Variants in ADGRD2 observed in about 807,000 individuals in gnomAD.
ADGRD2 encodes adhesion G protein-coupled receptor D2.
Under a neutral mutation model 44.4 loss-of-function variants are expected in ADGRD2, and 71 were observed. The observed-to-expected ratio is 1.60, with a 90% confidence interval of 1.32 to 1.95. The LOEUF (loss-of-function observed/expected upper bound fraction) is 1.95, where lower values mean the gene tolerates loss of function less well. Ranked by LOEUF, ADGRD2 falls within the 30% of genes most tolerant of loss-of-function variation. ADGRD2 has a pLI of 0.00. For synonymous variants in ADGRD2, 481 were observed against 224.8 expected (o/e 2.14, Z -10.19); for missense variants, 1,039 against 512.4 (o/e 2.03, Z -9.92).
chr9:124,452,385 C>T, intron 1 of ADGRD2, 125 bp from the exon 5 acceptor site: 3 of 681,646 alleles, frequency 4.4e-6, no homozygotes, highest in Non-Finnish European at 8.2e-6. Context: ...AGGCCATAGA[C>T]ATGGGCGGGT....
chr9:124,462,181 C>T (rs1336772696), intron 10 of ADGRD2, among the ~76,000 whole-genome samples: 1 of 152,096 alleles, frequency 6.6e-6, no homozygotes, highest in African/African-American at 2.4e-5. Flanking sequence ...CCACCTCAGC[C>T]CCAGCCCCTC....
rs1831984402 is a variant in ADGRD2, at chr9:124,473,141, GTCCC to G, written c.2759-2302_2759-2299del. 3.3e-5 allele frequency among the ~76,000 whole-genome samples: 5 copies of G among 152,280 alleles called. No homozygotes were observed. The South Asian group carries it at 8.3e-4, about 25-fold the overall frequency. On this transcript the variant is annotated intron_variant, in intron 17 of 21. Coordinates refer to ENST00000334810, the Ensembl canonical transcript of ADGRD2. ...CCCCTCACACTCCACCTCCATCCCT[GTCCC>G]TCTCTCACTCTCCGTCAGTCTTGGG...
chr9:124,461,077 CTTA>C lies in ADGRD2; in HGVS notation c.1870+2360_1870+2362del, dbSNP rs1377056295. Reference sequence around the variant, plus strand: ...ATGACTCTGGGCATCTCTTTATACACTTATTAAGCAGTCATATATCTTCCTTTC... The same window carrying C: ...ATGACTCTGGGCATCTCTTTATACACTTAAGCAGTCATATATCTTCCTTTC... On this transcript the variant is annotated intron_variant, in intron 10 of 21. Transcript: ENST00000334810. Among the ~76,000 whole-genome samples the C allele has an allele frequency of 2.6e-5, 4 of 152,326 alleles. No homozygotes were observed. In the East Asian group the frequency reaches 5.8e-4, roughly 22 times the overall value.
chr9:124,453,098 G>A (rs1375224918), exon 3 of ADGRD2: 1 of 696,826 alleles, frequency 1.4e-6, no homozygotes, highest in East Asian at 2.7e-5. Context: ...GCGCGGCTGC[G>A]GAGCCCTCTG....
At position 124,454,528 on chromosome 9, in the gene ADGRD2, G is replaced by C. The variant is rs1404348467; in HGVS notation, c.1069G>C (p.Asp357His). 4.2e-6 allele frequency: 3 copies of C among 717,246 alleles called. No individual in the cohort carries two copies. Among genetic ancestry groups the C allele is most frequent in the East Asian group, 2.7e-5 (1 of 37,260 alleles). 44.4% of individuals were successfully genotyped at this position (717,246 alleles called of 1,614,324 possible). The change falls in exon 5 of 22, where the codon GAT becomes CAT. Residue 357 changes from aspartate (D) to histidine (H), a missense_variant. Physicochemically the swap from Asp to His is moderately conservative, Grantham distance 81. Coordinates refer to ENST00000334810, the Ensembl canonical transcript of ADGRD2. The surrounding 1 kb of genome is among the most constrained non-coding windows in gnomAD (Gnocchi z 4.5). ...GGATGCCCAGTCGTGGCCTGGCCAG[G>C]ATGTTATCAGCCGAGTCAATGCCTT... is the stretch of plus-strand genomic sequence containing the variant.
At chr9:124,452,890 G>A in intron 2 of ADGRD2, 145 bp from the exon 6 acceptor site, 1 of 604,322 alleles carries the variant, frequency 1.7e-6, no homozygotes, top group Admixed American at 2.9e-5. Flanking sequence ...CTCTTGGGCA[G>A]GGGAACTCTA....
At chr9:124,453,257 C>T (rs1831536491) in exon 3 of ADGRD2, 1 of 542,888 alleles carries the variant, frequency 1.8e-6, no homozygotes, top group Non-Finnish European at 3.2e-6. Context: ...GTCGTGCGCG[C>T]TGCGCTGGTG....
In ADGRD2 at chr9:124,467,718, C is replaced by T. The variant is rs1020460022; in HGVS notation, c.2027-3C>T. 1.4e-5 allele frequency: 10 copies of T among 718,304 alleles called. No individual in the cohort carries two copies. The highest frequency in any genetic ancestry group is 2.3e-4 in the Middle Eastern group (1 of 4,348). 44.5% of individuals were successfully genotyped at this position (718,304 alleles called of 1,614,324 possible). The stretch of plus-strand genomic sequence containing the variant: ...AGGGGGGTTTCTCTGTCCCTCCACA[C>T]AGAGAGGCCCTGAGGAGGAGTCGCT... On this transcript the variant is annotated splice_polypyrimidine_tract_variant and splice_region_variant and intron_variant, in intron 11 of 21. Transcript: ENST00000334810.
exon 3 of ADGRD2, chr9:124,453,250 G>T: frequency 3.6e-6 from 2 of 553,762 alleles, no homozygotes; most frequent in Non-Finnish European, 6.3e-6. Flanking sequence ...GGGGGGCGTC[G>T]TGCGCGCTGC....
In ADGRD2 at chr9:124,469,219, C is replaced by G. The variant is rs1484900174; in HGVS notation, c.2388-3C>G. 1 of 712,286 alleles carries G rather than the reference C, an allele frequency of 1.4e-6. No homozygotes were observed. The highest frequency in any genetic ancestry group is 2.6e-6 in the Non-Finnish European group (1 of 384,468). The allele number at this position is 712,286 out of a possible 1,614,324, so 44.1% of individuals were successfully genotyped here. On this transcript the variant is annotated splice_polypyrimidine_tract_variant and splice_region_variant and intron_variant, in intron 14 of 21. Transcript: ENST00000334810. Reference sequence around the variant, plus strand: ...CCTTGAGGCCCCCTTCTCCCTCTCCCAGGCGTGCCTGTGGGCATCGTGGCG... The same window carrying G: ...CCTTGAGGCCCCCTTCTCCCTCTCCGAGGCGTGCCTGTGGGCATCGTGGCG...
chr9:124,475,399 T>C, intron 17 of ADGRD2, 47 bp from the exon 21 acceptor site: 2 of 696,088 alleles, frequency 2.9e-6, no homozygotes, highest in Non-Finnish European at 5.3e-6. Flanking sequence ...CTGTGGGGGA[T>C]GGGGTAGGAG....
intron 17 of ADGRD2, among the ~76,000 whole-genome samples, chr9:124,473,056 T>C (rs1225329390): frequency 6.6e-6 from 1 of 152,186 alleles, no homozygotes; most frequent in Non-Finnish European, 1.5e-5. Flanking sequence ...GGCCTTTCCC[T>C]TCACCTCTCC....
chr9:124,458,029 T>TG, intron 8 of ADGRD2, 84 bp from the exon 12 acceptor site: 1 of 700,078 alleles, frequency 1.4e-6, no homozygotes, highest in Admixed American at 2.1e-5. Context: ...ATCTCTAGAG[T>TG]GGGGAGAGCA....
rs1831577569 is a variant in ADGRD2 at position 124,454,584 on chromosome 9, A to G, written c.1108+15A>G. Reference sequence around the variant, plus strand: ...ACGACATTGTGGTGAGCTCCCTCTCAGGGGCTGGAAAGCCTGGGGGCTCCA... The same window carrying G: ...ACGACATTGTGGTGAGCTCCCTCTCGGGGGCTGGAAAGCCTGGGGGCTCCA... On this transcript the variant is annotated intron_variant, in intron 5 of 21. Coordinates refer to ENST00000334810, the Ensembl canonical transcript of ADGRD2. This position sits in a 1 kb window ranked among gnomAD's most constrained non-coding sequence, Gnocchi z 4.5. 1.4e-6 allele frequency: 1 copy of G among 712,586 alleles called. No individual in the cohort carries two copies. The highest frequency in any genetic ancestry group is 2.6e-6 in the Non-Finnish European group (1 of 381,314). 44.1% of individuals were successfully genotyped at this position (712,586 alleles called of 1,614,324 possible).
At chr9:124,474,030 C>T (rs770983572) in intron 17 of ADGRD2, among the ~76,000 whole-genome samples, 2 of 152,046 alleles carry the variant, frequency 1.3e-5, no homozygotes, top group Non-Finnish European at 2.9e-5. Flanking sequence ...AATCCCAGCA[C>T]TTTGGGAGGC....
intron 17 of ADGRD2, among the ~76,000 whole-genome samples, chr9:124,474,143 C>T (rs562443449): frequency 1.7e-4 from 26 of 152,182 alleles, no homozygotes; most frequent in African/African-American, 6.3e-4. Context: ...GGTGTGGTGG[C>T]ACATGCCTGT....
chr9:124,454,442 GGGT>G lies in ADGRD2; in HGVS notation c.1023-41_1023-39del. 3 of 694,194 alleles carry G rather than the reference GGGT, an allele frequency of 4.3e-6. No individual in the cohort carries two copies. Among genetic ancestry groups the G allele is most frequent in the Non-Finnish European group, 8.2e-6 (3 of 367,022 alleles). 43.0% of individuals were successfully genotyped at this position (694,194 alleles called of 1,614,324 possible). On this transcript the variant is annotated intron_variant, in intron 4 of 21. Coordinates refer to ENST00000334810, the Ensembl canonical transcript of ADGRD2. The surrounding 1 kb of genome is among the most constrained non-coding windows in gnomAD (Gnocchi z 4.5). ...TGAACAGGCTGGCATCTCTGGGCAG[GGGT>G]ATTGCCCGGGGCCTAGCCTGGCATC...
intron 16 of ADGRD2, among the ~76,000 whole-genome samples, chr9:124,470,215 C>T (rs891870011): frequency 6.6e-6 from 1 of 152,210 alleles, no homozygotes; most frequent in Non-Finnish European, 1.5e-5. Flanking sequence ...AGCCCCCACT[C>T]TGGACAACTA....
At chr9:124,469,108 T>G in intron 14 of ADGRD2, 114 bp from the exon 18 acceptor site, 1 of 620,492 alleles carries the variant, frequency 1.6e-6, no homozygotes, top group Non-Finnish European at 2.9e-6. Flanking sequence ...ACCTCCCCAG[T>G]GCCCCCAGTA....
Sources: allele counts gnomAD v4.1 joint callset (sites outside exome capture counted in the v4.1 genomes callset), GRCh38; gene constraint gnomAD v4.1.1; non-coding constraint Gnocchi (gnomAD v3.1); transcripts MANE v1.5; gene names NCBI Gene and HGNC (gene_info 2026-07-23, HGNC 2026-07-21).